The following NFX1 variants were observed in gnomAD, a reference collection of about 807,000 sequenced individuals.
NFX1 encodes transcriptional repressor NF-X1.
In NFX1, 69 loss-of-function variants were observed where a neutral mutation model predicts 137.2. The ratio of observed to expected loss-of-function variants is 0.50; its 90% CI spans 0.41 to 0.61. The LOEUF is 0.61. NFX1 is among the 20% of genes least tolerant of loss of function. NFX1 has a pLI of 0.00. For synonymous variants in NFX1, 495 were observed against 474.1 expected (o/e 1.04, Z -0.57); for missense variants, 1,167 against 1,391.0 (o/e 0.84, Z 2.56).
At chr9:33,309,594 C>A (rs1412940912) in intron 5 of NFX1, among the ~76,000 whole-genome samples, 2 of 152,148 alleles carry the variant, frequency 1.3e-5, no homozygotes, top group African/African-American at 4.8e-5. Flanking sequence ...TTCTGGTCTC[C>A]AAGAAAGCTT....
chr9:33,320,147 TAG>T (rs889153951), intron 9 of NFX1, among the ~76,000 whole-genome samples: 18 of 151,952 alleles, frequency 1.2e-4, no homozygotes, highest in African/African-American at 4.1e-4. Flanking sequence ...TGTATTTTTG[TAG>T]AGACGGGGTT....
At chr9:33,322,657 A>G (rs1184727757) in intron 9 of NFX1, among the ~76,000 whole-genome samples, 1 of 152,168 alleles carries the variant, frequency 6.6e-6, no homozygotes. Context: ...CACTGAGAGA[A>G]GCAAGCCAAG....
chr9:33,364,325 A>G lies in NFX1; in HGVS notation c.2972+217A>G, dbSNP rs564022439. Among the ~76,000 whole-genome samples the G allele has an allele frequency of 7.9e-5, 12 of 152,268 alleles. No homozygotes were observed. In the South Asian group the frequency reaches 2.5e-3, roughly 32 times the overall value. On this transcript the variant is annotated intron_variant, in intron 20 of 23. Coordinates refer to ENST00000379540, the MANE Select transcript of NFX1 (RefSeq NM_002504.6). Reference sequence around the variant, plus strand: ...CTGAACTTGGGGTAGGGTTGAGATAAGAGTTTGGGTGGGGTGGTGGTAAGA... The same window carrying G: ...CTGAACTTGGGGTAGGGTTGAGATAGGAGTTTGGGTGGGGTGGTGGTAAGA...
Position 33,313,635 on chromosome 9 carries a change from A to G in NFX1, c.1449-19A>G, listed in dbSNP as rs1235835322. 1 of 1,612,732 alleles carries G rather than the reference A, an allele frequency of 6.2e-7. No individual in the cohort carries two copies. Among genetic ancestry groups the G allele is most frequent in the Non-Finnish European group, 8.5e-7 (1 of 1,178,954 alleles). On this transcript the variant is annotated intron_variant, in intron 6 of 23. Transcript: ENST00000379540. ...GAACTTTTACACTGATGCTGTCTTT[A>G]CATCTATTGTCTTTACAGGCACACA... is the stretch of plus-strand genomic sequence containing the variant.
Position 33,354,052 on chromosome 9 carries a change from A to C in NFX1, c.2730-34A>C, listed in dbSNP as rs375984192. The C allele has an allele frequency of 1.9e-6, 3 of 1,558,290 alleles. No individual in the cohort carries two copies. In the East Asian group the frequency reaches 6.8e-5, roughly 36 times the overall value. On this transcript the variant is annotated intron_variant, in intron 17 of 23. Coordinates refer to ENST00000379540, the MANE Select transcript of NFX1 (RefSeq NM_002504.6). The stretch of plus-strand genomic sequence containing the variant: ...ATAAGGAGGTTCTTGTGAAACTGCA[A>C]TGCCTCTTTTTCCCTTTCTTTTTTA...
intron 9 of NFX1, 69 bp from the exon 10 acceptor site, chr9:33,328,512 A>C: frequency 5.3e-6 from 6 of 1,137,648 alleles, no homozygotes; most frequent in South Asian, 1.3e-5. Context: ...CAGTGTGGCT[A>C]GCAAATTTGG....
At chr9:33,311,228 T>A in intron 6 of NFX1, 51 bp downstream of exon 6, 1 of 1,482,126 alleles carries the variant, frequency 6.7e-7, no homozygotes, top group Non-Finnish European at 9.4e-7. Context: ...ACATGCATGA[T>A]TGACTTGTGA....
Position 33,308,780 on chromosome 9 carries a change from C to T in NFX1, c.1376+1481C>T, listed in dbSNP as rs550653537. Among the ~76,000 whole-genome samples the T allele has an allele frequency of 9.9e-5, 15 of 152,222 alleles. No homozygotes were observed. In the East Asian group the frequency reaches 2.9e-3, roughly 29 times the overall value. On this transcript the variant is annotated intron_variant, in intron 5 of 23. Coordinates refer to ENST00000379540, the MANE Select transcript of NFX1 (RefSeq NM_002504.6). ...AAAATGACAATTCTTACTTTTACTACCCAAATCTAAGAGTAAACCAGACAT... is the reference window on the plus strand; with the variant it reads ...AAAATGACAATTCTTACTTTTACTATCCAAATCTAAGAGTAAACCAGACAT...
chr9:33,319,200 T>C (rs1393114164), intron 9 of NFX1, 73 bp downstream of exon 9: 2 of 1,290,364 alleles, frequency 1.5e-6, no homozygotes, highest in Non-Finnish European at 2.2e-6. Flanking sequence ...GTTTAAGCAA[T>C]GTAGAAGTAA....
At chr9:33,306,699 A>G (rs147654156) in intron 4 of NFX1, among the ~76,000 whole-genome samples, 1 of 152,272 alleles carries the variant, frequency 6.6e-6, no homozygotes, top group East Asian at 1.9e-4. Context: ...ATTGATTATA[A>G]AAGTATAAGG....
rs373836457 is a variant in NFX1, at chr9:33,311,097, C to T, written c.1377-9C>T. Reference sequence around the variant, plus strand: ...CTGTGGTTTATTCAGTGAAACCTTTCTCTTTCAGTCTCTGCCATCCAGGAC... The same window carrying T: ...CTGTGGTTTATTCAGTGAAACCTTTTTCTTTCAGTCTCTGCCATCCAGGAC... On this transcript the variant is annotated splice_polypyrimidine_tract_variant and intron_variant, in intron 5 of 23. Coordinates refer to ENST00000379540, the MANE Select transcript of NFX1 (RefSeq NM_002504.6). 6.2e-7 allele frequency: 1 copy of T among 1,614,052 alleles called. No individual in the cohort carries two copies. Among genetic ancestry groups the T allele is most frequent in the Non-Finnish European group, 8.5e-7 (1 of 1,179,922 alleles).
chr9:33,301,450 A>G (rs1821562432), intron 3 of NFX1, 29 bp downstream of exon 3: 4 of 1,605,130 alleles, frequency 2.5e-6, no homozygotes, highest in Non-Finnish European at 3.4e-6. Flanking sequence ...CTGAGTAGTT[A>G]TTCTCCCCTA....
intron 15 of NFX1, among the ~76,000 whole-genome samples, chr9:33,350,908 G>T (rs1207990021): frequency 6.6e-6 from 1 of 152,230 alleles, no homozygotes; most frequent in Non-Finnish European, 1.5e-5. Flanking sequence ...CACTTTGGGA[G>T]GCCAAGGCAA....
chr9:33,299,148 A>G (rs953766577), intron 2 of NFX1, among the ~76,000 whole-genome samples: 1 of 152,246 alleles, frequency 6.6e-6, no homozygotes, highest in Non-Finnish European at 1.5e-5. Context: ...AACGTCTTAC[A>G]TAACCAGACT....
At chr9:33,300,295 C>A (rs1436193130) in intron 2 of NFX1, among the ~76,000 whole-genome samples, 2 of 151,934 alleles carry the variant, frequency 1.3e-5, no homozygotes, top group African/African-American at 2.4e-5. Context: ...GATCTCCCGA[C>A]CTCATGATCT....
chr9:33,312,527 C>T (rs915562444), intron 6 of NFX1, among the ~76,000 whole-genome samples: 2 of 152,200 alleles, frequency 1.3e-5, no homozygotes, highest in Non-Finnish European at 2.9e-5. Flanking sequence ...GAGTAGACTC[C>T]AAGTGCTTAA....
chr9:33,318,413 G>A (rs1047078359), intron 7 of NFX1, among the ~76,000 whole-genome samples: 1 of 152,216 alleles, frequency 6.6e-6, no homozygotes, highest in East Asian at 1.9e-4. Flanking sequence ...GGACCAGATA[G>A]TGTTCTCTTA....
At chr9:33,336,325 C>T (rs1823001112) in intron 11 of NFX1, among the ~76,000 whole-genome samples, 2 of 152,168 alleles carry the variant, frequency 1.3e-5, no homozygotes, top group South Asian at 2.1e-4. Flanking sequence ...GAGTGATTCA[C>T]CTGCCTCAGC....
In NFX1 at chr9:33,346,871, C is replaced by T. The variant is rs3739676; in HGVS notation, c.2345-167C>T. Among the ~76,000 whole-genome samples, 9 of 152,302 alleles carry T rather than the reference C, an allele frequency of 5.9e-5. No individual in the cohort carries two copies. In the East Asian group the frequency reaches 1.5e-3, roughly 26 times the overall value. On this transcript the variant is annotated intron_variant, in intron 14 of 23. Transcript: ENST00000379540. ...TCTCACTCATGCTTGTCCTTCAACA[C>T]TTTAACATAAAGCAAGGTACTTTTT...
Sources: gnomAD v4.1 joint callset for allele counts (sites outside exome capture counted in the v4.1 genomes callset) on GRCh38, gnomAD v4.1.1 for gene constraint, MANE v1.5 for transcripts, NCBI Gene and HGNC (gene_info 2026-07-23, HGNC 2026-07-21) for gene names.